ATP9B: variants seen among roughly 807,000 people sequenced by gnomAD.
The protein encoded by ATP9B is ATPase phospholipid transporting 9B.
A neutral mutation model predicts 146.1 loss-of-function variants in ATP9B; 110 were observed. The observed-to-expected ratio is 0.75, with a 90% CI of 0.65 to 0.88. The LOEUF (loss-of-function observed/expected upper bound fraction) is 0.88. ATP9B is among the 40% of genes least tolerant of loss of function. The probability of loss-of-function intolerance (pLI) is 0.00; values close to 1 mark genes in which losing one functional copy is unlikely to be tolerated. For synonymous variants in ATP9B, 604 were observed against 569.7 expected (o/e 1.06, Z -0.86); for missense variants, 1,499 against 1,496.4 (o/e 1.00, Z -0.03).
chr18:79,324,196 C>G (rs1237808195), intron 15 of ATP9B, among the ~76,000 whole-genome samples: 3 of 151,912 alleles, frequency 2.0e-5, no homozygotes, highest in Non-Finnish European at 4.4e-5. Context: ...CTGGTAGATT[C>G]TGCTTATTAA....
rs373885467 is a variant in ATP9B at position 79,098,514 on chromosome 18, A to G, written c.293+1865A>G. ...AAAGGGCTAATATCCAGAATCTACA[A>G]TGAACTCAAACAAATTTACAAGAAG... On this transcript the variant is annotated intron_variant, in intron 2 of 29. Coordinates refer to ENST00000426216, the MANE Select transcript of ATP9B (RefSeq NM_198531.5). 1.4e-4 allele frequency among the ~76,000 whole-genome samples: 21 copies of G among 151,280 alleles called. No homozygotes were observed. The East Asian group carries it at 2.9e-3, about 21-fold the overall frequency.
chr18:79,175,534 GCA>G (rs1221426284), intron 7 of ATP9B, among the ~76,000 whole-genome samples: 2 of 151,882 alleles, frequency 1.3e-5, no homozygotes, highest in African/African-American at 4.8e-5. Context: ...ACACACAGAG[GCA>G]CACACATAGA....
intron 26 of ATP9B, among the ~76,000 whole-genome samples, chr18:79,371,641 T>C (rs537947824): frequency 1.1e-4 from 17 of 152,360 alleles, no homozygotes; most frequent in Non-Finnish European, 2.4e-4. Context: ...CTCTGTTCTG[T>C]GATGGCTCAT....
Position 79,095,341 on chromosome 18 carries a change from A to G in ATP9B, c.120-1135A>G, listed in dbSNP as rs376000764. 2.6e-3 allele frequency among the ~76,000 whole-genome samples: 394 copies of G among 152,070 alleles called. 19 individuals carry two copies. The South Asian group carries it at 0.08, about 31-fold the overall frequency. ...TAACCAGTGCTGTGATCACAGACCT[A>G]TTGCCCTTAGACTCTTTCTGGGTAT... On this transcript the variant is annotated intron_variant, in intron 1 of 29. Coordinates refer to ENST00000426216, the MANE Select transcript of ATP9B (RefSeq NM_198531.5).
intron 12 of ATP9B, among the ~76,000 whole-genome samples, chr18:79,263,753 A>T (rs1237703454): frequency 6.6e-6 from 1 of 152,154 alleles, no homozygotes; most frequent in Non-Finnish European, 1.5e-5. Context: ...TTAACATTTC[A>T]TGATGTGTAC....
intron 9 of ATP9B, among the ~76,000 whole-genome samples, chr18:79,205,024 G>T (rs761471576): frequency 1.3e-5 from 2 of 152,058 alleles, no homozygotes; most frequent in Non-Finnish European, 2.9e-5. Flanking sequence ...CAGGTCAGGC[G>T]GTCGCCTTCT....
At chr18:79,242,254 G>A (rs561159161) in intron 11 of ATP9B, among the ~76,000 whole-genome samples, 9 of 152,208 alleles carry the variant, frequency 5.9e-5, no homozygotes, top group South Asian at 4.1e-4. Context: ...ATCCTCTTTC[G>A]TAAACTGATA....
Position 79,233,970 on chromosome 18 carries a change from C to T in ATP9B, c.1108-19411C>T, listed in dbSNP as rs73971587. On this transcript the variant is annotated intron_variant, in intron 11 of 29. Coordinates refer to ENST00000426216, the MANE Select transcript of ATP9B (RefSeq NM_198531.5). ...TGATCATCATAAAGGTCTTCATCCT[C>T]ATCGTCTTCCAATTGAGTAGGCTGA... 4.8e-3 allele frequency among the ~76,000 whole-genome samples: 725 copies of T among 152,344 alleles called. 9 individuals are homozygous for T. Among genetic ancestry groups the T allele is most frequent in the African/African-American group, 0.016 (655 of 41,576 alleles).
intron 11 of ATP9B, 61 bp from the exon 12 acceptor site, chr18:79,253,320 G>C: frequency 6.8e-7 from 1 of 1,460,240 alleles, no homozygotes; most frequent in South Asian, 1.4e-5. Flanking sequence ...CATGCATTCT[G>C]ATTTATAATA....
intron 8 of ATP9B, among the ~76,000 whole-genome samples, chr18:79,183,047 G>A (rs575321607): frequency 7.9e-5 from 12 of 152,260 alleles, no homozygotes; most frequent in African/African-American, 2.9e-4. Flanking sequence ...AATCCTTTCT[G>A]ACAGTACCTT....
rs751527845 is a variant in ATP9B, at chr18:79,347,890, G to A, written c.2803G>A (p.Val935Ile). 5 of 1,613,842 alleles carry A rather than the reference G, an allele frequency of 3.1e-6. No individual in the cohort carries two copies. The highest frequency in any genetic ancestry group is 1.7e-5 in the Admixed American group (1 of 59,992). Residue 935 changes from valine to isoleucine, a missense_variant, in exon 24 of 30, where the codon GTC becomes ATC. Physicochemically the swap from Val to Ile is conservative, Grantham distance 29. Transcript: ENST00000426216. The stretch of plus-strand genomic sequence containing the variant: ...GAGGTCGGCGGCACTCGGCCAGTTC[G>A]TCATGCACAGGGGCCTTATCATCTC... The part of the protein sequence containing the change: ...YKRSAALGQF[V>I]MHRGLIISTM...
intron 11 of ATP9B, among the ~76,000 whole-genome samples, chr18:79,241,584 C>T (rs141480531): frequency 7.5e-4 from 114 of 152,302 alleles, no homozygotes; most frequent in African/African-American, 2.5e-3. Context: ...AAGTTAGAAC[C>T]TGTTGACTGT....
chr18:79,118,384 G>GTTTTTT lies in ATP9B; in HGVS notation c.558+5035_558+5036insTTTTTT, dbSNP rs1304879263. On this transcript the variant is annotated intron_variant, in intron 4 of 29. Coordinates refer to ENST00000426216, the MANE Select transcript of ATP9B (RefSeq NM_198531.5). ...ATTTTAAAACACAATCATATTGAAC[G>GTTTTTT]TTTTTGTTTTTTTTTTTTTTTTTTT... 6.3e-3 allele frequency among the ~76,000 whole-genome samples: 466 copies of GTTTTTT among 73,446 alleles called. 71 individuals carry two copies. The highest frequency in any genetic ancestry group is 0.02 in the African/African-American group (374 of 18,650). 48.2% of individuals were successfully genotyped at this position (73,446 alleles called of 152,430 possible).
intron 26 of ATP9B, chr18:79,362,429 A>G (rs1006629434): frequency 1.3e-5 from 2 of 152,220 alleles, no homozygotes; most frequent in Non-Finnish European, 2.9e-5. Flanking sequence ...CGCTTTCCTA[A>G]AACTGTGTAG....
At chr18:79,122,406 A>G (rs1165494426) in intron 4 of ATP9B, among the ~76,000 whole-genome samples, 1 of 152,194 alleles carries the variant, frequency 6.6e-6, no homozygotes, top group Non-Finnish European at 1.5e-5. Flanking sequence ...TGTGGCTTAT[A>G]AAATGTGTAT....
intron 10 of ATP9B, among the ~76,000 whole-genome samples, chr18:79,210,142 C>T (rs148867313): frequency 6.6e-6 from 1 of 152,202 alleles, no homozygotes; most frequent in East Asian, 1.9e-4. Context: ...GCTGTGCTGC[C>T]GGAGGTTTCA....
Position 79,290,414 on chromosome 18 carries a change from C to T in ATP9B, c.1412-13190C>T, listed in dbSNP as rs571616801. On this transcript the variant is annotated intron_variant, in intron 13 of 29. Coordinates refer to ENST00000426216, the MANE Select transcript of ATP9B (RefSeq NM_198531.5). Reference sequence around the variant, plus strand: ...CGAGACTCTGTGGGGTAGGACCCTCCGAGCCAGGTGCGGGATATAATCTCA... The same window carrying T: ...CGAGACTCTGTGGGGTAGGACCCTCTGAGCCAGGTGCGGGATATAATCTCA... 2.8e-4 allele frequency among the ~76,000 whole-genome samples: 43 copies of T among 152,314 alleles called. 1 individual carries two copies. The highest frequency in any genetic ancestry group is 1.0e-3 in the South Asian group (5 of 4,826).
At chr18:79,180,627 G>A (rs2095240100) in intron 8 of ATP9B, among the ~76,000 whole-genome samples, 1 of 152,062 alleles carries the variant, frequency 6.6e-6, no homozygotes, top group Non-Finnish European at 1.5e-5. Flanking sequence ...CCATGTGTTT[G>A]TTTACCTGTT....
At chr18:79,114,160 A>G (rs1043198581) in intron 4 of ATP9B, among the ~76,000 whole-genome samples, 2 of 152,028 alleles carry the variant, frequency 1.3e-5, no homozygotes, top group Non-Finnish European at 2.9e-5. Flanking sequence ...GCGTTTCACC[A>G]TGTTGGCTAG....
Sources: gnomAD v4.1 joint callset for allele counts (sites outside exome capture counted in the v4.1 genomes callset) on GRCh38, gnomAD v4.1.1 for gene constraint, MANE v1.5 for transcripts, NCBI Gene and HGNC (gene_info 2026-07-23, HGNC 2026-07-21) for gene names.